Variants in LRRK1 observed in about 807,000 individuals in gnomAD.
LRRK1 encodes the protein leucine rich repeat kinase 1.
LRRK1 carries 113 observed loss-of-function variants against 209.1 expected under a neutral mutation model. The ratio of observed to expected loss-of-function variants is 0.54; its 90% CI spans 0.46 to 0.63. The LOEUF (loss-of-function observed/expected upper bound fraction) is 0.63. Ranked by LOEUF, LRRK1 falls within the 30% of genes least tolerant of loss-of-function variation. LRRK1 has a pLI of 0.00. For missense variants in LRRK1, 2,284 were observed against 2,632.2 expected (o/e 0.87, Z 2.89); for synonymous variants, 1,144 against 1,099.7 (o/e 1.04, Z -0.80).
intron 33 of LRRK1, among the ~76,000 whole-genome samples, chr15:101,068,421 C>G (rs2036653050): frequency 6.6e-6 from 1 of 152,124 alleles, no homozygotes; most frequent in Non-Finnish European, 1.5e-5. Flanking sequence ...GAGTCTGACT[C>G]TTACAGACAA....
intron 10 of LRRK1, among the ~76,000 whole-genome samples, chr15:101,012,715 C>T (rs886982904): frequency 1.3e-5 from 2 of 152,174 alleles, no homozygotes; most frequent in Non-Finnish European, 2.9e-5. Context: ...GGGCACTCCT[C>T]CAAGGCCTGG....
Position 101,072,948 on chromosome 15 carries a change from C to CGGGGGGGGG in LRRK1, c.*4106_*4107insGGGGGGGGG, listed in dbSNP as rs1284664341. ...ATTAAATTTGGTGCCGTAACTGGCG[C>CGGGGGGGGG]GGGGGGAGGGGGGGGGGAACCTCCC... is the stretch of plus-strand genomic sequence containing the variant. On this transcript the variant is annotated 3_prime_UTR_variant, in exon 34 of 34. Coordinates refer to ENST00000388948, the MANE Select transcript of LRRK1 (RefSeq NM_024652.6). 1 of 89,786 alleles carries CGGGGGGGGG rather than the reference C, an allele frequency of 1.1e-5. No individual in the cohort carries two copies. Among genetic ancestry groups the CGGGGGGGGG allele is most frequent in the African/African-American group, 3.9e-5 (1 of 25,456 alleles). The allele number at this position is 89,786 out of a possible 1,614,324, so 5.6% of individuals were successfully genotyped here.
chr15:101,065,177 T>G, intron 31 of LRRK1, 175 bp from the exon 32 acceptor site: 1 of 667,600 alleles, frequency 1.5e-6, no homozygotes. Context: ...GAGTCAGAGC[T>G]GCACTTCTTT....
chr15:101,029,326 C>T, intron 20 of LRRK1, 94 bp downstream of exon 20: 2 of 1,287,136 alleles, frequency 1.6e-6, no homozygotes, highest in Non-Finnish European at 2.1e-6. Flanking sequence ...ACAAGATTTC[C>T]AGGGATCAGT....
At position 101,027,699 on chromosome 15, in the gene LRRK1, G is replaced by GGGA; in HGVS notation, c.2589_2591dup (p.Arg863_Asp864insGlu). 1 of 1,612,972 alleles carries GGGA rather than the reference G, an allele frequency of 6.2e-7. No homozygotes were observed. Among genetic ancestry groups the GGGA allele is most frequent in the Non-Finnish European group, 8.5e-7 (1 of 1,179,664 alleles). On this transcript the variant is annotated inframe_insertion, in exon 19 of 34. Transcript: ENST00000388948. This position sits in a 1 kb window ranked among gnomAD's most constrained non-coding sequence, Gnocchi z 5.1. ...CTGGCAGAGCAGCAGCGCCGCAGCCGGGACGACGACGTGCAGTACCTGACG... is the reference window on the plus strand; with the variant it reads ...CTGGCAGAGCAGCAGCGCCGCAGCCGGGAGGACGACGACGTGCAGTACCTGACG...
At chr15:100,963,568 G>A (rs2141639077) in intron 2 of LRRK1, among the ~76,000 whole-genome samples, 1 of 152,332 alleles carries the variant, frequency 6.6e-6, no homozygotes, top group East Asian at 1.9e-4. Context: ...CCTTGGCCTG[G>A]GCCGCTTGTC....
At chr15:101,039,318 C>T (rs536067515) in intron 20 of LRRK1, among the ~76,000 whole-genome samples, 1 of 152,046 alleles carries the variant, frequency 6.6e-6, no homozygotes, top group African/African-American at 2.4e-5. Context: ...TTCAGATTTT[C>T]TGCATCTTTT....
chr15:100,991,613 T>C (rs2032159588), intron 6 of LRRK1, among the ~76,000 whole-genome samples: 2 of 152,202 alleles, frequency 1.3e-5, no homozygotes. Context: ...ATGTAGTTTT[T>C]ACTAGAATTC....
chr15:100,941,585 G>A (rs1301257638), intron 2 of LRRK1, among the ~76,000 whole-genome samples: 3 of 151,048 alleles, frequency 2.0e-5, no homozygotes, highest in African/African-American at 4.9e-5. Flanking sequence ...TCTCTTTATG[G>A]CGCTGCTCTT....
chr15:100,998,711 G>A (rs999755113), intron 6 of LRRK1, among the ~76,000 whole-genome samples: 6 of 152,064 alleles, frequency 3.9e-5, no homozygotes, highest in Non-Finnish European at 5.9e-5. Flanking sequence ...ATGGTTGCAT[G>A]GATGGATAGG....
At chr15:100,961,160 T>C (rs8034700) in intron 2 of LRRK1, among the ~76,000 whole-genome samples, 107,170 of 152,060 alleles carry the variant, frequency 0.7, 38,109 homozygotes, top group Middle Eastern at 0.76. Flanking sequence ...CCTGAGGTGG[T>C]GCCGGGCATC....
At chr15:100,941,414 G>GTGTGTGTC (rs1567191015) in intron 2 of LRRK1, among the ~76,000 whole-genome samples, 1 of 71,242 alleles carries the variant, frequency 1.4e-5, no homozygotes, top group African/African-American at 9.7e-5. Context: ...GTGTGTCTCT[G>GTGTGTGTC]TGTGTGTGTG....
Position 101,027,219 on chromosome 15 carries a change from G to A in LRRK1, c.2406-42G>A. 1.2e-6 allele frequency: 2 copies of A among 1,608,936 alleles called. No individual in the cohort carries two copies. Among genetic ancestry groups the A allele is most frequent in the East Asian group, 4.5e-5 (2 of 44,794 alleles). On this transcript the variant is annotated intron_variant, in intron 17 of 33. Transcript: ENST00000388948. This position sits in a 1 kb window ranked among gnomAD's most constrained non-coding sequence, Gnocchi z 5.1. ...ACAGAGAAGCAGCAGCGCTTCCTCG[G>A]AGTGGGGCATGATGAGTAAAGACGG...
intron 21 of LRRK1, among the ~76,000 whole-genome samples, chr15:101,047,848 T>TTCAA (rs767609786): frequency 2.0e-5 from 3 of 152,190 alleles, no homozygotes; most frequent in African/African-American, 7.2e-5. Context: ...GGACATCATT[T>TTCAA]TCAATCAGAG....
chr15:100,955,440 G>A (rs984939288), intron 2 of LRRK1, among the ~76,000 whole-genome samples: 2 of 152,158 alleles, frequency 1.3e-5, no homozygotes, highest in African/African-American at 4.8e-5. Context: ...CATGTCATCT[G>A]CAAACAGAGA....
rs549639448 is a variant in LRRK1, at chr15:100,928,958, G to A, written c.97+4229G>A. Among the ~76,000 whole-genome samples, 190 of 152,292 alleles carry A rather than the reference G, an allele frequency of 1.2e-3. 1 individual carries two copies. Among genetic ancestry groups the A allele is most frequent in the African/African-American group, 4.4e-3 (182 of 41,544 alleles). On this transcript the variant is annotated intron_variant, in intron 2 of 33. Transcript: ENST00000388948. Reference sequence around the variant, plus strand: ...CACCAGCAGCAGTCAGCTCGCCTGCGGTGCAAGAGGAATGGTTGGAAAGCT... The same window carrying A: ...CACCAGCAGCAGTCAGCTCGCCTGCAGTGCAAGAGGAATGGTTGGAAAGCT...
At chr15:101,047,011 G>A (rs1051603138) in intron 21 of LRRK1, among the ~76,000 whole-genome samples, 28 of 152,194 alleles carry the variant, frequency 1.8e-4, no homozygotes, top group African/African-American at 6.3e-4. Flanking sequence ...CAAACCCACT[G>A]CATGAGAAAC....
At chr15:101,042,603 A>G (rs1361872184) in intron 20 of LRRK1, among the ~76,000 whole-genome samples, 1 of 152,062 alleles carries the variant, frequency 6.6e-6, no homozygotes, top group Non-Finnish European at 1.5e-5. Context: ...TTATGCTGTC[A>G]GCCCTTGAGC....
intron 13 of LRRK1, 57 bp from the exon 14 acceptor site, chr15:101,021,788 G>A (rs1302296229): frequency 1.4e-5 from 5 of 358,324 alleles, no homozygotes; most frequent in Admixed American, 5.4e-5. Flanking sequence ...GTGTGTGTGT[G>A]TGTGTGTGTG....
Sources: gnomAD v4.1 joint callset for allele counts (sites outside exome capture counted in the v4.1 genomes callset) on GRCh38, gnomAD v4.1.1 for gene constraint, Gnocchi (gnomAD v3.1) non-coding constraint, MANE v1.5 for transcripts, NCBI Gene and HGNC (gene_info 2026-07-23, HGNC 2026-07-21) for gene names.